The following MYH13 variants were observed in gnomAD, a reference collection of about 807,000 sequenced individuals.
MYH13 encodes the protein myosin-13.
A neutral mutation model predicts 232.1 loss-of-function variants in MYH13; 177 were observed. The observed-to-expected ratio is 0.76, with a 90% confidence interval of 0.67 to 0.86. MYH13 has a LOEUF of 0.86. Ranked by LOEUF, MYH13 falls within the 40% of genes least tolerant of loss-of-function variation. The pLI is 0.00. For missense variants in MYH13, 2,246 were observed against 2,405.9 expected, an observed-to-expected ratio of 0.93 and a Z score of 1.39; for synonymous variants, 884 against 923.5, an observed-to-expected ratio of 0.96 and a Z score of 0.78.
At chr17:10,329,131 C>T (rs1476580211) in intron 21 of MYH13, among the ~76,000 whole-genome samples, 1 of 152,110 alleles carries the variant, frequency 6.6e-6, no homozygotes, top group Non-Finnish European at 1.5e-5. Flanking sequence ...TCCGTGCTGG[C>T]TTCCATGTGC....
chr17:10,356,001 A>G (rs889267974), intron 8 of MYH13, among the ~76,000 whole-genome samples: 8 of 152,126 alleles, frequency 5.3e-5, no homozygotes, highest in African/African-American at 1.4e-4. Flanking sequence ...AGAACAACTC[A>G]GGGTCTAGGT....
rs562118779 is a variant in MYH13 at position 10,354,743 on chromosome 17, G to A, written c.942C>T (p.Phe314=). Residue 314 remains phenylalanine (F), a synonymous_variant, in exon 11 of 41, where the codon TTC becomes TTT. Transcript: ENST00000252172. ...CTACCGTGACCTCTCCTTGGCTCAC[G>A]AAGGGGAAGTCGAAGGGGTTGGTGG... ...LISTNPFDFP[F]VSQGEVTVAS... 3.4e-5 allele frequency: 55 copies of A among 1,613,942 alleles called. 1 individual carries two copies. The South Asian group carries it at 3.8e-4, about 11-fold the overall frequency.
intron 18 of MYH13, among the ~76,000 whole-genome samples, chr17:10,337,694 T>C (rs2142251923): frequency 6.6e-6 from 1 of 152,278 alleles, no homozygotes; most frequent in African/African-American, 2.4e-5. Context: ...GAGAGGTAGG[T>C]GCCAGAGCTA....
At chr17:10,312,519 C>T in intron 31 of MYH13, 55 bp downstream of exon 31, 1 of 1,537,168 alleles carries the variant, frequency 6.5e-7, no homozygotes, top group South Asian at 1.2e-5. Flanking sequence ...ATAGCATTTC[C>T]CCAACTTGAA....
chr17:10,313,151 C>A lies in MYH13; in HGVS notation c.4181+7G>T, dbSNP rs775201289. 30 of 1,613,956 alleles carry A rather than the reference C, an allele frequency of 1.9e-5. No homozygotes were observed. The South Asian group carries it at 3.1e-4, about 17-fold the overall frequency. ...CCCCTCTGCTATTGCCACCCTGGAG[C>A]CCCTACTTGGCCTCCTCCAGCTCCT... On this transcript the variant is annotated splice_region_variant and intron_variant, in intron 30 of 40. Coordinates refer to ENST00000252172, the MANE Select transcript of MYH13 (RefSeq NM_003802.3).
At chr17:10,322,270 C>T (rs896176621) in intron 23 of MYH13, among the ~76,000 whole-genome samples, 24 of 151,994 alleles carry the variant, frequency 1.6e-4, no homozygotes, top group South Asian at 1.0e-3. Flanking sequence ...TGGTGGTGGG[C>T]ACCTGTAGTC....
At chr17:10,334,090 A>G (rs1385224024) in intron 18 of MYH13, among the ~76,000 whole-genome samples, 1 of 152,148 alleles carries the variant, frequency 6.6e-6, no homozygotes, top group Admixed American at 6.5e-5. Flanking sequence ...GCTCGTGGTA[A>G]CCAGCCTGGG....
intron 18 of MYH13, among the ~76,000 whole-genome samples, chr17:10,333,626 G>A (rs1907488386): frequency 6.6e-6 from 1 of 152,206 alleles, no homozygotes; most frequent in South Asian, 2.1e-4. Context: ...GAGGAGGCCG[G>A]CTGGGCGCGG....
At position 10,319,092 on chromosome 17, in the gene MYH13, C is replaced by G; in HGVS notation, c.3436G>C (p.Glu1146Gln). Residue 1146 changes from glutamate to glutamine, a missense_variant, in exon 27 of 41, where the codon GAA becomes CAA. Transcript: ENST00000252172. ...AGCCTCTCGCTGATCTCCTCCAGTT[C>G]CCTGGCCAGATCTGAGCGCTGCTTC... ...IEKQRSDLAR[E>Q]LEEISERLEE... 1 of 1,614,176 alleles carries G rather than the reference C, an allele frequency of 6.2e-7. No individual in the cohort carries two copies. The highest frequency in any genetic ancestry group is 8.5e-7 in the Non-Finnish European group (1 of 1,180,028).
Position 10,322,630 on chromosome 17 carries a change from GTT to G in MYH13, c.2935-924_2935-923del, listed in dbSNP as rs769352001. On this transcript the variant is annotated intron_variant, in intron 23 of 40. Coordinates refer to ENST00000252172, the MANE Select transcript of MYH13 (RefSeq NM_003802.3). ...TGTTATCATTTACAATGTTACAGTT[GTT>G]TTTTTTTTTTTTTTTTTTTGAGAGG... is the stretch of plus-strand genomic sequence containing the variant. 8.2e-3 allele frequency among the ~76,000 whole-genome samples: 883 copies of G among 107,520 alleles called. 1 individual carries two copies. Among genetic ancestry groups the G allele is most frequent in the African/African-American group, 0.027 (751 of 27,954 alleles). 70.5% of individuals were successfully genotyped at this position (107,520 alleles called of 152,430 possible).
At chr17:10,369,807 C>T (rs549610573) in intron 2 of MYH13, among the ~76,000 whole-genome samples, 2 of 152,300 alleles carry the variant, frequency 1.3e-5, no homozygotes, top group South Asian at 4.1e-4. Context: ...TGCATCTAAC[C>T]TAGTTGGATA....
intron 11 of MYH13, 193 bp from the exon 12 acceptor site, chr17:10,350,887 T>C (rs2071705033): frequency 1.5e-6 from 1 of 670,098 alleles, no homozygotes. Context: ...GTGAAGACTA[T>C]GGGAAAAAGA....
chr17:10,359,179 G>A (rs1201588610), intron 7 of MYH13, among the ~76,000 whole-genome samples: 3 of 152,214 alleles, frequency 2.0e-5, no homozygotes, highest in Non-Finnish European at 4.4e-5. Context: ...AGCTCAGGAT[G>A]GGGGCTGGCT....
At position 10,300,926 on chromosome 17, in the gene MYH13, C is replaced by G; in HGVS notation, c.*25G>C. ...TCCCTCCACTCTCTCGGAGGTGTCCCATGGCAACGAGCATCAGGTGAGCCT... is the reference window on the plus strand; with the variant it reads ...TCCCTCCACTCTCTCGGAGGTGTCCGATGGCAACGAGCATCAGGTGAGCCT... On this transcript the variant is annotated 3_prime_UTR_variant, in exon 41 of 41. Transcript: ENST00000252172. The G allele has an allele frequency of 6.2e-7, 1 of 1,611,610 alleles. No homozygotes were observed. The highest frequency in any genetic ancestry group is 8.5e-7 in the Non-Finnish European group (1 of 1,178,584).
At position 10,360,239 on chromosome 17, in the gene MYH13, G is replaced by T. The variant is rs1371023463; in HGVS notation, c.506-51C>A. ...AAAACAAATAAACAACAAACAGAATGTTAAAATAAAGTAACATTGGGGGTG... is the reference window on the plus strand; with the variant it reads ...AAAACAAATAAACAACAAACAGAATTTTAAAATAAAGTAACATTGGGGGTG... On this transcript the variant is annotated intron_variant, in intron 5 of 40. Coordinates refer to ENST00000252172, the MANE Select transcript of MYH13 (RefSeq NM_003802.3). 1.0e-5 allele frequency: 16 copies of T among 1,587,172 alleles called. No homozygotes were observed. The East Asian group carries it at 3.6e-4, about 36-fold the overall frequency.
At chr17:10,340,260 C>CTAA (rs747772500) in intron 17 of MYH13, 23 bp from the exon 18 acceptor site, 1 of 1,613,440 alleles carries the variant, frequency 6.2e-7, no homozygotes, top group African/African-American at 1.3e-5. Context: ...CCAAAACAAG[C>CTAA]ACATTTAGCA....
intron 27 of MYH13, among the ~76,000 whole-genome samples, chr17:10,316,315 G>T (rs576309014): frequency 6.6e-6 from 1 of 152,224 alleles, no homozygotes; most frequent in African/African-American, 2.4e-5. Context: ...ACAGAAATTA[G>T]CCAGGCGTGG....
At chr17:10,326,041 G>A (rs1368929388) in intron 22 of MYH13, among the ~76,000 whole-genome samples, 3 of 152,344 alleles carry the variant, frequency 2.0e-5, no homozygotes, top group African/African-American at 7.2e-5. Context: ...AAGCCTGCAT[G>A]CTAATGTTTG....
At chr17:10,313,452 C>T in intron 29 of MYH13, 98 bp from the exon 30 acceptor site, 3 of 1,554,576 alleles carry the variant, frequency 1.9e-6, no homozygotes, top group Non-Finnish European at 2.6e-6. Context: ...TGAATTATCC[C>T]TATGCTGTCT....
Sources: gnomAD v4.1 joint callset for allele counts (sites outside exome capture counted in the v4.1 genomes callset) on GRCh38, gnomAD v4.1.1 for gene constraint, MANE v1.5 for transcripts, NCBI Gene and HGNC (gene_info 2026-07-23, HGNC 2026-07-21) for gene names.